The following PCDH11X variants were observed in gnomAD, a reference collection of about 807,000 sequenced individuals.
PCDH11X encodes the protein protocadherin 11 X-linked, also known as protocadherin-11 X-linked.
PCDH11X carries 18 observed loss-of-function variants against 53.3 expected under a neutral mutation model. The observed-to-expected ratio is 0.34, with a 90% CI of 0.23 to 0.50. The LOEUF is 0.50. Among genes scored for constraint, PCDH11X ranks in the 20% least tolerant of loss-of-function variants. The probability of loss-of-function intolerance (pLI) is 0.98; values close to 1 mark genes in which losing one functional copy is unlikely to be tolerated. For synonymous variants in PCDH11X, 279 were observed against 393.3 expected, an observed-to-expected ratio of 0.71 and a Z score of 3.44; for missense variants, 570 against 1,032.4, an observed-to-expected ratio of 0.55 and a Z score of 6.14.
chrX:92,375,372 G>A (rs1356101158), intron 8 of PCDH11X, among the ~76,000 whole-genome samples: 1 of 97,823 alleles, frequency 1.0e-5, no homozygotes, highest in Non-Finnish European at 2.0e-5. Context: ...TAGAGACAGG[G>A]TTTCACCGTG....
intron 6 of PCDH11X, among the ~76,000 whole-genome samples, chrX:92,011,415 CA>C (rs1007895128): frequency 8.9e-6 from 1 of 111,840 alleles, no homozygotes; most frequent in African/African-American, 3.3e-5. Context: ...ATAGCCATTC[CA>C]AAAAGTCACT....
chrX:92,288,292 C>G lies in PCDH11X; in HGVS notation c.3144+25149C>G, dbSNP rs751049042. Reference sequence around the variant, plus strand: ...TTTTCCTTTCTGTAGCTAGTAGGTTCTTATACTACCTTTTAGGAAGAAATG... The same window carrying G: ...TTTTCCTTTCTGTAGCTAGTAGGTTGTTATACTACCTTTTAGGAAGAAATG... On this transcript the variant is annotated intron_variant, in intron 8 of 10. Transcript: ENST00000682573. Among the ~76,000 whole-genome samples the G allele has an allele frequency of 4.5e-5, 5 of 110,267 alleles. No individual in the cohort carries two copies. The South Asian group carries it at 1.2e-3, about 26-fold the overall frequency.
chrX:91,893,161 T>C (rs1474471199), intron 6 of PCDH11X, among the ~76,000 whole-genome samples: 1 of 110,522 alleles, frequency 9.0e-6, no homozygotes, highest in Non-Finnish European at 1.9e-5. Flanking sequence ...CTGGAAACTA[T>C]TCCCAGAAAA....
chrX:92,303,818 C>T (rs912261137), intron 8 of PCDH11X, among the ~76,000 whole-genome samples: 3 of 109,850 alleles, frequency 2.7e-5, no homozygotes, highest in African/African-American at 9.9e-5. Flanking sequence ...GGTTGAATTA[C>T]AGTCCAAGAC....
At chrX:92,069,701 A>G (rs1161700287) in intron 6 of PCDH11X, among the ~76,000 whole-genome samples, 1 of 110,855 alleles carries the variant, frequency 9.0e-6, no homozygotes, top group Non-Finnish European at 1.9e-5. Flanking sequence ...TATTTTTTTG[A>G]GACAAAGTCT....
intron 6 of PCDH11X, among the ~76,000 whole-genome samples, chrX:92,020,051 C>G (rs1193010329): frequency 8.9e-6 from 1 of 112,550 alleles, no homozygotes; most frequent in African/African-American, 3.2e-5. Context: ...TTCCACTGAA[C>G]TGTGCAACCC....
At chrX:92,487,763 G>A (rs2073676083) in intron 10 of PCDH11X, among the ~76,000 whole-genome samples, 1 of 110,506 alleles carries the variant, frequency 9.0e-6, no homozygotes, top group East Asian at 2.9e-4. Context: ...GAAATAAGAG[G>A]GGTATTTAGA....
At chrX:92,485,540 A>T (rs950709628) in intron 10 of PCDH11X, among the ~76,000 whole-genome samples, 6 of 111,681 alleles carry the variant, frequency 5.4e-5, no homozygotes, top group African/African-American at 1.9e-4. Context: ...TTGTGATAAT[A>T]AAGATAATAT....
chrX:92,147,980 CCTTCCTTT>C (rs1362809502), intron 6 of PCDH11X, among the ~76,000 whole-genome samples: 1 of 78,581 alleles, frequency 1.3e-5, no homozygotes, highest in East Asian at 3.7e-4. Flanking sequence ...TTCCTTCCTT[CCTTCCTTT>C]CTTTCTTTCT....
At chrX:92,374,968 T>C (rs1375588012) in intron 8 of PCDH11X, among the ~76,000 whole-genome samples, 1 of 106,849 alleles carries the variant, frequency 9.4e-6, no homozygotes, top group Admixed American at 1.0e-4. Flanking sequence ...ATTATATGAA[T>C]ATATGGATAA....
chrX:92,307,372 T>C (rs2068854420), intron 8 of PCDH11X, among the ~76,000 whole-genome samples: 2 of 109,588 alleles, frequency 1.8e-5, no homozygotes, highest in South Asian at 7.9e-4. Flanking sequence ...ATCATCTCAA[T>C]GTACAAAAAA....
intron 8 of PCDH11X, among the ~76,000 whole-genome samples, chrX:92,312,460 A>G (rs1225793477): frequency 9.1e-6 from 1 of 110,480 alleles, no homozygotes; most frequent in Non-Finnish European, 1.9e-5. Context: ...CGATTTTTAT[A>G]TTAACTTACA....
rs775724289 is a variant in PCDH11X at position 92,175,368 on chromosome X, C to T, written c.3034-26007C>T. Among the ~76,000 whole-genome samples the T allele has an allele frequency of 4.5e-5, 5 of 111,544 alleles. No homozygotes were observed. The South Asian group carries it at 1.9e-3, about 42-fold the overall frequency. ...CGGCAGCTTCCATGAAAATCTGCCA[C>T]AGCCTATAATAAAGTTTAACTTAAC... On this transcript the variant is annotated intron_variant, in intron 6 of 10. Coordinates refer to ENST00000682573, the MANE Select transcript of PCDH11X (RefSeq NM_032968.5).
At chrX:91,866,052 G>T (rs1043166744) in intron 5 of PCDH11X, among the ~76,000 whole-genome samples, 170 of 109,978 alleles carry the variant, frequency 1.5e-3, no homozygotes, top group Middle Eastern at 4.7e-3. Flanking sequence ...GGGAGCTAGG[G>T]CCTGGAATGG....
intron 6 of PCDH11X, among the ~76,000 whole-genome samples, chrX:92,148,070 CTT>C (rs1389380149): frequency 2.7e-4 from 2 of 7,462 alleles, no homozygotes; most frequent in Admixed American, 3.1e-3. Context: ...TTCTTTCTTT[CTT>C]TCTTTCTTTC....
chrX:92,050,889 T>C (rs1325979488), intron 6 of PCDH11X, among the ~76,000 whole-genome samples: 1 of 109,582 alleles, frequency 9.1e-6, no homozygotes, highest in Admixed American at 9.9e-5. Flanking sequence ...CTGGTTTACA[T>C]CTCAATGTAA....
chrX:92,344,108 A>G (rs2069832155), intron 8 of PCDH11X, among the ~76,000 whole-genome samples: 1 of 106,817 alleles, frequency 9.4e-6, no homozygotes, highest in Admixed American at 1.0e-4. Flanking sequence ...TGAAGATCTT[A>G]TCCATCTGGA....
At chrX:92,323,037 C>T (rs1441494487) in intron 8 of PCDH11X, among the ~76,000 whole-genome samples, 1 of 111,143 alleles carries the variant, frequency 9.0e-6, no homozygotes, top group Non-Finnish European at 1.9e-5. Flanking sequence ...TGACACTATC[C>T]TTTCTAGGTT....
At chrX:92,478,613 A>G (rs1386166322) in intron 10 of PCDH11X, among the ~76,000 whole-genome samples, 1 of 107,826 alleles carries the variant, frequency 9.3e-6, no homozygotes, top group Non-Finnish European at 1.9e-5. Flanking sequence ...TTCTGCCTCA[A>G]TTTCATTATT....
Sources: gnomAD v4.1 joint callset for allele counts (sites outside exome capture counted in the v4.1 genomes callset) on GRCh38, gnomAD v4.1.1 for gene constraint, MANE v1.5 for transcripts, NCBI Gene and HGNC (gene_info 2026-07-23, HGNC 2026-07-21) for gene names.